NRXN3: variants seen among roughly 807,000 people sequenced by gnomAD.
NRXN3 encodes the protein neurexin III.
NRXN3 carries 32 observed loss-of-function variants against 137.6 expected under a neutral mutation model. The observed-to-expected ratio is 0.23, with a 90% confidence interval of 0.18 to 0.31. NRXN3 has a LOEUF of 0.31. NRXN3 is among the 10% of genes least tolerant of loss of function. The pLI is 1.00. For synonymous variants in NRXN3, 798 were observed against 784.5 expected (o/e 1.02, Z -0.29); for missense variants, 1,574 against 2,062.5 (o/e 0.76, Z 4.59).
At chr14:78,939,814 C>G (rs2099349554) in intron 10 of NRXN3, among the ~76,000 whole-genome samples, 1 of 152,216 alleles carries the variant, frequency 6.6e-6, no homozygotes, top group Non-Finnish European at 1.5e-5. Context: ...CTTATTTCAT[C>G]CTTTTTATCT....
chr14:79,174,726 T>C (rs372500714), intron 15 of NRXN3, among the ~76,000 whole-genome samples: 14 of 151,850 alleles, frequency 9.2e-5, no homozygotes, highest in African/African-American at 3.1e-4. Flanking sequence ...GGGACTATTA[T>C]GCAGTCATTT....
chr14:78,795,067 C>G (rs554100471), intron 8 of NRXN3, among the ~76,000 whole-genome samples: 17 of 152,238 alleles, frequency 1.1e-4, no homozygotes, highest in African/African-American at 4.1e-4. Flanking sequence ...GCACTCCAGC[C>G]TGTGTAACAG....
intron 4 of NRXN3, among the ~76,000 whole-genome samples, chr14:78,470,450 G>A (rs1180306262): frequency 2.0e-5 from 3 of 150,452 alleles, no homozygotes; most frequent in African/African-American, 7.4e-5. Context: ...CTCGGTGGGA[G>A]AGGCTTTGCT....
At position 78,408,819 on chromosome 14, in the gene NRXN3, C is replaced by T. The variant is rs546630868; in HGVS notation, c.757+110959C>T. 8.5e-5 allele frequency among the ~76,000 whole-genome samples: 13 copies of T among 152,360 alleles called. No homozygotes were observed. The South Asian group carries it at 2.7e-3, about 32-fold the overall frequency. On this transcript the variant is annotated intron_variant, in intron 4 of 20. Coordinates refer to ENST00000335750, the MANE Select transcript of NRXN3 (RefSeq NM_001330195.2). ...ATGAAGAAACACTTGAAGGCAAAGT[C>T]ATAAGTCAGGTTGAAGATGGTTTCT...
chr14:78,905,406 T>C (rs2099212634), intron 10 of NRXN3, among the ~76,000 whole-genome samples: 1 of 152,112 alleles, frequency 6.6e-6, no homozygotes, highest in Admixed American at 6.6e-5. Context: ...AGTTAGTTTT[T>C]GCAAAGGATA....
chr14:78,425,359 TTAGAG>T (rs1408244144), intron 4 of NRXN3, among the ~76,000 whole-genome samples: 1 of 152,244 alleles, frequency 6.6e-6, no homozygotes, highest in Non-Finnish European at 1.5e-5. Context: ...CTGTGGCATC[TTAGAG>T]TATTGTCCAG....
chr14:78,276,816 T>G (rs1038603004), intron 2 of NRXN3, among the ~76,000 whole-genome samples: 2 of 152,254 alleles, frequency 1.3e-5, no homozygotes, highest in African/African-American at 2.4e-5. Context: ...GGTGTTGACA[T>G]TCTTCTGCCA....
chr14:79,341,280 A>G (rs1210263045), intron 15 of NRXN3, among the ~76,000 whole-genome samples: 2 of 152,180 alleles, frequency 1.3e-5, no homozygotes, highest in African/African-American at 4.8e-5. Context: ...CTTCAACTGT[A>G]ACAGCAAGTC....
At chr14:78,466,724 C>T (rs1290777754) in intron 4 of NRXN3, among the ~76,000 whole-genome samples, 2 of 152,220 alleles carry the variant, frequency 1.3e-5, no homozygotes, top group Non-Finnish European at 2.9e-5. Context: ...AATCCCAGCT[C>T]TGCCAGTTCC....
At chr14:79,123,762 G>T (rs940724768) in intron 15 of NRXN3, among the ~76,000 whole-genome samples, 4 of 152,186 alleles carry the variant, frequency 2.6e-5, no homozygotes, top group South Asian at 2.1e-4. Flanking sequence ...TTTCAGTGGA[G>T]ATTACGCTTA....
At position 78,737,218 on chromosome 14, in the gene NRXN3, T is replaced by C. The variant is rs1186044679; in HGVS notation, c.2044+22079T>C. Among the ~76,000 whole-genome samples the C allele has an allele frequency of 4.6e-5, 7 of 152,176 alleles. No homozygotes were observed. In the South Asian group the frequency reaches 6.2e-4, roughly 13 times the overall value. On this transcript the variant is annotated intron_variant, in intron 8 of 20. Transcript: ENST00000335750. The stretch of plus-strand genomic sequence containing the variant: ...TAAGACACATACAAACAAATAGGAA[T>C]GGTCCAGCCTTCTAATTCCTCTGCT...
intron 15 of NRXN3, among the ~76,000 whole-genome samples, chr14:79,027,437 G>T (rs1256724520): frequency 6.6e-6 from 1 of 152,114 alleles, no homozygotes; most frequent in African/African-American, 2.4e-5. Flanking sequence ...AACAGCTGGG[G>T]GACTGGATGG....
chr14:78,926,672 AATT>A (rs1213517542), intron 10 of NRXN3, among the ~76,000 whole-genome samples: 1 of 102,674 alleles, frequency 9.7e-6, no homozygotes, highest in South Asian at 2.5e-4. Flanking sequence ...TTATATATAT[AATT>A]ATATATTATG....
chr14:79,722,525 TCTG>T (rs2098848261), intron 19 of NRXN3, among the ~76,000 whole-genome samples: 1 of 152,152 alleles, frequency 6.6e-6, no homozygotes, highest in African/African-American at 2.4e-5. Flanking sequence ...TGCTGGTTCC[TCTG>T]CTGAGAACCC....
intron 19 of NRXN3, among the ~76,000 whole-genome samples, chr14:79,781,700 C>A (rs1005106890): frequency 6.6e-6 from 1 of 152,206 alleles, no homozygotes; most frequent in South Asian, 2.1e-4. Flanking sequence ...ACGAATCAAA[C>A]CTACTGTTGT....
chr14:78,857,111 A>T (rs926783785), intron 10 of NRXN3, among the ~76,000 whole-genome samples: 71 of 152,176 alleles, frequency 4.7e-4, no homozygotes, highest in African/African-American at 1.3e-3. Context: ...CACATCAAGT[A>T]TAAAACTCTT....
chr14:79,367,104 C>A (rs1937676844), intron 15 of NRXN3, among the ~76,000 whole-genome samples: 1 of 151,924 alleles, frequency 6.6e-6, no homozygotes, highest in Admixed American at 6.6e-5. Context: ...CTGCCTCAGC[C>A]TCCCAAGTAG....
In NRXN3 at chr14:79,783,347, G is replaced by A. The variant is rs1409842518; in HGVS notation, c.4015-21765G>A. 2.0e-5 allele frequency among the ~76,000 whole-genome samples: 3 copies of A among 152,140 alleles called. No individual in the cohort carries two copies. In the East Asian group the frequency reaches 5.8e-4, roughly 29 times the overall value. On this transcript the variant is annotated intron_variant, in intron 19 of 20. Coordinates refer to ENST00000335750, the MANE Select transcript of NRXN3 (RefSeq NM_001330195.2). The stretch of plus-strand genomic sequence containing the variant: ...AGAAGGTCATTACTGTTATTACGTG[G>A]GAAAATACATTTAAATGTTACAGAT...
chr14:78,449,274 G>A (rs146343174), intron 4 of NRXN3, among the ~76,000 whole-genome samples: 18 of 152,234 alleles, frequency 1.2e-4, no homozygotes, highest in East Asian at 7.7e-4. Flanking sequence ...ATATCGTGGC[G>A]CGATCTTGGC....
Sources: allele counts gnomAD v4.1 joint callset (sites outside exome capture counted in the v4.1 genomes callset), GRCh38; gene constraint gnomAD v4.1.1; transcripts MANE v1.5; gene names NCBI Gene and HGNC (gene_info 2026-07-23, HGNC 2026-07-21).